Variants in KNTC1 observed in about 807,000 individuals in gnomAD.
The protein encoded by KNTC1 is kinetochore associated 1, also known as kinetochore-associated protein 1.
In KNTC1, 253 loss-of-function variants were observed where a neutral mutation model predicts 314.4. The ratio of observed to expected loss-of-function variants is 0.80; its 90% confidence interval spans 0.73 to 0.89. KNTC1 has a LOEUF of 0.89. Ranked by LOEUF, KNTC1 falls within the 40% of genes least tolerant of loss-of-function variation. The pLI is 0.00. For missense variants in KNTC1, 2,475 were observed against 2,572.9 expected (o/e 0.96, Z 0.82); for synonymous variants, 901 against 901.4 (o/e 1.00, Z 0.01).
intron 20 of KNTC1, 23 bp downstream of exon 20, chr12:122,562,722 T>C: frequency 2.7e-6 from 4 of 1,492,700 alleles, no homozygotes; most frequent in Non-Finnish European, 3.7e-6. Context: ...TTGTTAAAAC[T>C]TTTTAGGCCA....
intron 43 of KNTC1, among the ~76,000 whole-genome samples, chr12:122,596,424 G>A (rs995666324): frequency 1.3e-5 from 2 of 151,242 alleles, no homozygotes; most frequent in African/African-American, 4.9e-5. Context: ...TCACCATATT[G>A]GTCAGGCTGG....
At chr12:122,589,866 C>G (rs1442466710) in intron 40 of KNTC1, among the ~76,000 whole-genome samples, 1 of 140,764 alleles carries the variant, frequency 7.1e-6, no homozygotes, top group Non-Finnish European at 1.5e-5. Flanking sequence ...TCACTGCAAG[C>G]TCCGCCTCCC....
intron 18 of KNTC1, among the ~76,000 whole-genome samples, 159 bp downstream of exon 18, chr12:122,557,848 A>T (rs1593536003): frequency 6.6e-6 from 1 of 152,346 alleles, no homozygotes; most frequent in East Asian, 1.9e-4. Context: ...TTCACATCCT[A>T]TACAATTCAC....
intron 61 of KNTC1, 41 bp downstream of exon 61, chr12:122,622,011 G>T: frequency 7.4e-7 from 1 of 1,343,254 alleles, no homozygotes; most frequent in South Asian, 1.3e-5. Flanking sequence ...TGAAAATGTT[G>T]ATACTAGAAG....
In KNTC1 at chr12:122,561,968, G is replaced by C; in HGVS notation, c.1536G>C (p.Leu512Phe). 6.3e-7 allele frequency: 1 copy of C among 1,596,686 alleles called. No individual in the cohort carries two copies. The highest frequency in any genetic ancestry group is 8.6e-7 in the Non-Finnish European group (1 of 1,167,750). The change falls in exon 19 of 64, where the codon TTG becomes TTC. Residue 512 changes from leucine to phenylalanine, a missense_variant. By Grantham distance (22) the Leu-to-Phe change is conservative. Transcript: ENST00000333479. The part of the protein sequence containing the change: ...DKTALIYSDG[L>F]KEVLRAHAKL... The stretch of plus-strand genomic sequence containing the variant: ...CTGCTCTCATTTATTCTGATGGCTT[G>C]AAAGAGGTAATTACACTAGATTTCT...
At chr12:122,610,727 T>C in intron 52 of KNTC1, 95 bp from the exon 53 acceptor site, 2 of 771,842 alleles carry the variant, frequency 2.6e-6, no homozygotes, top group Non-Finnish European at 4.4e-6. Context: ...CTTTGAGTTG[T>C]CTAATGACCG....
At chr12:122,542,237 G>T in intron 6 of KNTC1, 110 bp downstream of exon 6, 1 of 727,700 alleles carries the variant, frequency 1.4e-6, no homozygotes, top group Non-Finnish European at 2.1e-6. Flanking sequence ...TATCTTACTT[G>T]TATTTAGTTA....
At chr12:122,547,257 C>T (rs1334181032) in intron 10 of KNTC1, among the ~76,000 whole-genome samples, 158 bp from the exon 11 acceptor site, 1 of 151,738 alleles carries the variant, frequency 6.6e-6, no homozygotes, top group Non-Finnish European at 1.5e-5. Flanking sequence ...CGCCTGTAAT[C>T]CCAGCTACTC....
intron 16 of KNTC1, among the ~76,000 whole-genome samples, chr12:122,553,382 C>T (rs1963330064): frequency 6.6e-6 from 1 of 151,536 alleles, no homozygotes; most frequent in South Asian, 2.1e-4. Flanking sequence ...GAGCTGAGCA[C>T]AGTCGTGCAT....
chr12:122,558,801 G>C (rs1244927979), intron 18 of KNTC1, among the ~76,000 whole-genome samples: 1 of 152,130 alleles, frequency 6.6e-6, no homozygotes, highest in Non-Finnish European at 1.5e-5. Flanking sequence ...GCTTGAACCT[G>C]GTAGGCAGAG....
intron 21 of KNTC1, among the ~76,000 whole-genome samples, chr12:122,568,602 C>T (rs779227707): frequency 4.6e-5 from 7 of 152,132 alleles, no homozygotes; most frequent in Admixed American, 4.6e-4. Flanking sequence ...TTTGGGAGGC[C>T]GAGGCGGGCT....
chr12:122,604,422 C>T (rs1872349609), intron 48 of KNTC1, 142 bp from the exon 49 acceptor site: 1 of 431,878 alleles, frequency 2.3e-6, no homozygotes, highest in African/African-American at 2.0e-5. Flanking sequence ...GCTGGGATTA[C>T]AAATATGAGC....
At chr12:122,582,578 G>T (rs1868576708) in intron 33 of KNTC1, 127 bp from the exon 34 acceptor site, 5 of 821,716 alleles carry the variant, frequency 6.1e-6, no homozygotes, top group Non-Finnish European at 7.4e-6. Context: ...CAGGTGAGAA[G>T]CCCAGACATG....
At chr12:122,538,821 C>T (rs578249888) in intron 4 of KNTC1, among the ~76,000 whole-genome samples, 1 of 152,294 alleles carries the variant, frequency 6.6e-6, no homozygotes, top group Admixed American at 6.5e-5. Flanking sequence ...CATGTAGAGG[C>T]AGGGAACTTT....
At chr12:122,591,493 T>C in intron 42 of KNTC1, 40 bp downstream of exon 42, 1 of 1,034,688 alleles carries the variant, frequency 9.7e-7, no homozygotes, top group Non-Finnish European at 1.5e-6. Context: ...TTCTGTTAAT[T>C]ACCCGGTTGG....
At position 122,603,273 on chromosome 12, in the gene KNTC1, A is replaced by T. The variant is rs761188496; in HGVS notation, c.5101+30A>T. ...GAGCTCTTCTTTTAAAATTGTAGTTAAAAAAAAAAAAAAAGTACTCTTTTT... is the reference window on the plus strand; with the variant it reads ...GAGCTCTTCTTTTAAAATTGTAGTTTAAAAAAAAAAAAAAGTACTCTTTTT... On this transcript the variant is annotated intron_variant, in intron 48 of 63. Transcript: ENST00000333479. 42 of 217,428 alleles carry T rather than the reference A, an allele frequency of 1.9e-4. No individual in the cohort carries two copies. In the South Asian group the frequency reaches 3.5e-3, roughly 18 times the overall value. 13.5% of individuals were successfully genotyped at this position (217,428 alleles called of 1,614,324 possible). A position where few individuals can be genotyped will look rare whatever the true frequency, so the allele number is the denominator to read the frequency against.
rs1297157195 is a variant in KNTC1 at position 122,615,052 on chromosome 12, A to G, written c.5939A>G (p.Asn1980Ser). The change falls in exon 56 of 64, where the codon AAT becomes AGT. Residue 1980 changes from asparagine to serine, a missense_variant. Transcript: ENST00000333479. Reference sequence around the variant, plus strand: ...AAAATCTATGACCTGCAGCTTTGGAATGGACTCTTGCAAAAGCTTCTGGGC... The same window carrying G: ...AAAATCTATGACCTGCAGCTTTGGAGTGGACTCTTGCAAAAGCTTCTGGGC... ...EYKIYDLQLW[N>S]GLLQKLLGFN... 2 of 1,613,430 alleles carry G rather than the reference A, an allele frequency of 1.2e-6. No homozygotes were observed. Among genetic ancestry groups the G allele is most frequent in the East Asian group, 2.2e-5 (1 of 44,894 alleles).
chr12:122,575,380 T>A (rs1565974296), intron 27 of KNTC1, among the ~76,000 whole-genome samples, 163 bp from the exon 28 acceptor site: 1 of 152,214 alleles, frequency 6.6e-6, no homozygotes, highest in African/African-American at 2.4e-5. Context: ...AATTGTTCTC[T>A]ATATGTGAAA....
rs190155251 is a variant in KNTC1 at position 122,542,084 on chromosome 12, A to T, written c.480A>T (p.Gly160=). The T allele has an allele frequency of 7.1e-6, 11 of 1,540,450 alleles. No homozygotes were observed. The Admixed American group carries it at 1.9e-4, about 26-fold the overall frequency. ...TYYMLLLTYS[G]FFCITNLQLL... ...ATATGCTACTTCTTACATACAGTGG[A>T]TTTTTTTGTATTACAAACCTTCAGC... Residue 160 remains glycine (G), a synonymous_variant, in exon 6 of 64, where the codon GGA becomes GGT. Transcript: ENST00000333479.
Sources: allele counts gnomAD v4.1 joint callset (sites outside exome capture counted in the v4.1 genomes callset), GRCh38; gene constraint gnomAD v4.1.1; transcripts MANE v1.5; gene names NCBI Gene and HGNC (gene_info 2026-07-23, HGNC 2026-07-21).